TNPO3: variants seen among roughly 807,000 people sequenced by gnomAD.
TNPO3 encodes transportin-3.
Under a neutral mutation model 122.8 loss-of-function variants are expected in TNPO3, and 65 were observed. The observed-to-expected ratio is 0.53, with a 90% confidence interval of 0.43 to 0.65. TNPO3 has a LOEUF of 0.65. Ranked by LOEUF, TNPO3 falls within the 30% of genes least tolerant of loss-of-function variation. TNPO3 has a pLI of 0.00. For synonymous variants in TNPO3, 372 were observed against 411.2 expected, an observed-to-expected ratio of 0.90 and a Z score of 1.15; for missense variants, 850 against 1,136.7, an observed-to-expected ratio of 0.75 and a Z score of 3.63.
At chr7:128,966,854 C>A (rs2128987879) in intron 21 of TNPO3, among the ~76,000 whole-genome samples, 1 of 152,338 alleles carries the variant, frequency 6.6e-6, no homozygotes, top group South Asian at 2.1e-4. Flanking sequence ...TATCTTTAGG[C>A]ATGGTGAACA....
intron 1 of TNPO3, among the ~76,000 whole-genome samples, chr7:129,050,837 C>T (rs1356525940): frequency 6.6e-6 from 1 of 152,130 alleles, no homozygotes; most frequent in Non-Finnish European, 1.5e-5. Flanking sequence ...GATGAAGGTT[C>T]CCTTCTCGAT....
intron 8 of TNPO3, among the ~76,000 whole-genome samples, chr7:128,995,969 G>A (rs552233828): frequency 3.3e-5 from 5 of 152,322 alleles, no homozygotes; most frequent in African/African-American, 1.2e-4. Flanking sequence ...AAAGTGCTGG[G>A]ATTACAGGCA....
chr7:129,044,703 C>T (rs1466066573), intron 1 of TNPO3, among the ~76,000 whole-genome samples: 3 of 152,162 alleles, frequency 2.0e-5, no homozygotes, highest in Non-Finnish European at 4.4e-5. Context: ...AAATACAGGA[C>T]AGGTAGTCTG....
chr7:129,005,437 C>T (rs1365852057), intron 4 of TNPO3, among the ~76,000 whole-genome samples: 2 of 152,116 alleles, frequency 1.3e-5, no homozygotes, highest in East Asian at 1.9e-4. Flanking sequence ...GAAATGGTTT[C>T]GTTCTGTGTC....
chr7:129,029,858 T>TA (rs543309144), intron 1 of TNPO3: 13,520 of 146,140 alleles, frequency 0.093, 815 homozygotes, highest in South Asian at 0.16. Flanking sequence ...CCATCTCTAC[T>TA]AAAAAAAAAA....
intron 11 of TNPO3, 67 bp from the exon 12 acceptor site, chr7:128,986,987 C>T: frequency 6.8e-7 from 1 of 1,471,790 alleles, no homozygotes; most frequent in Non-Finnish European, 9.1e-7. Context: ...TTTATTAAAA[C>T]AGAGGTATAC....
chr7:129,014,594 A>G (rs935132584), intron 4 of TNPO3, among the ~76,000 whole-genome samples: 7 of 152,114 alleles, frequency 4.6e-5, no homozygotes, highest in African/African-American at 1.7e-4. Flanking sequence ...AAAAGAAAGG[A>G]TCCTTTCTTA....
At position 128,972,528 on chromosome 7, in the gene TNPO3, G is replaced by A. The variant is rs1009083030; in HGVS notation, c.2328C>T (p.Ile776=). Residue 776 remains isoleucine, a synonymous_variant, in exon 19 of 23, where the codon ATC becomes ATT. Coordinates refer to ENST00000265388, the MANE Select transcript of TNPO3 (RefSeq NM_012470.4). The part of the protein sequence containing the change: ...TLLRSQVVIP[I]LQWAIASTTL... ...TAGTAGAGGCAATGGCCCACTGTAA[G>A]ATAGGGATGACCACTTGGCTCCGCA... 1 of 1,614,064 alleles carries A rather than the reference G, an allele frequency of 6.2e-7. No individual in the cohort carries two copies. Among genetic ancestry groups the A allele is most frequent in the Non-Finnish European group, 8.5e-7 (1 of 1,180,044 alleles).
intron 1 of TNPO3, chr7:129,030,595 G>C (rs1037737502): frequency 6.6e-6 from 1 of 152,012 alleles, no homozygotes; most frequent in African/African-American, 2.4e-5. Context: ...GTAAGAGTTG[G>C]GTTCGCATGG....
intron 20 of TNPO3, among the ~76,000 whole-genome samples, chr7:128,969,553 C>T (rs1256582951): frequency 1.3e-4 from 20 of 152,152 alleles, no homozygotes; most frequent in Admixed American, 1.2e-3. Flanking sequence ...AACTTTCACA[C>T]AGTACACATA....
In TNPO3 at chr7:128,967,339, G is replaced by T. The variant is rs149434536; in HGVS notation, c.2652C>A (p.Thr884=). 6 of 1,613,830 alleles carry T rather than the reference G, an allele frequency of 3.7e-6. No individual in the cohort carries two copies. In the South Asian group the frequency reaches 6.6e-5, roughly 18 times the overall value. The change falls in exon 21 of 23, where the codon ACC becomes ACA. Residue 884 remains threonine (T), a synonymous_variant. Coordinates refer to ENST00000265388, the MANE Select transcript of TNPO3 (RefSeq NM_012470.4). ...TGTGTGTCACTGTGACGGCTCCCAC[G>T]GTTGTTTCCTTTGGCAAACCTTTTA... The part of the protein sequence containing the change: ...NSLKGLPKET[T]VGAVTVTHKQ...
intron 1 of TNPO3, among the ~76,000 whole-genome samples, chr7:129,040,410 TG>T (rs1807230821): frequency 6.6e-6 from 1 of 152,232 alleles, no homozygotes; most frequent in East Asian, 1.9e-4. Flanking sequence ...AACAAATCTG[TG>T]GTGATGTAAG....
At position 128,974,880 on chromosome 7, in the gene TNPO3, C is replaced by T. The variant is rs777132327; in HGVS notation, c.2261G>A (p.Arg754Gln). The T allele has an allele frequency of 4.3e-6, 7 of 1,613,858 alleles. No homozygotes were observed. Among genetic ancestry groups the T allele is most frequent in the East Asian group, 2.2e-5 (1 of 44,884 alleles). Residue 754 changes from arginine (R) to glutamine (Q), a missense_variant, in exon 18 of 23, where the codon CGG becomes CAG. Arg to Gln is a conservative substitution (Grantham distance 43, BLOSUM62 1). Coordinates refer to ENST00000265388, the MANE Select transcript of TNPO3 (RefSeq NM_012470.4). The stretch of plus-strand genomic sequence containing the variant: ...CAGAAGGATTTACCTGGTGGCTAGC[C>T]GGAACAGGTCATCTACAGTGTCAGG... ...NHPDTVDDLF[R>Q]LATRFIQRSP...
intron 5 of TNPO3, among the ~76,000 whole-genome samples, chr7:129,003,990 A>C (rs1011526071): frequency 7.2e-5 from 11 of 152,166 alleles, no homozygotes; most frequent in African/African-American, 2.7e-4. Context: ...TACTCTTCAC[A>C]CTATTTGTTG....
In TNPO3 at chr7:128,997,470, TTCA is replaced by T. The variant is rs757314819; in HGVS notation, c.1074_1076del (p.Asp358del). ...AAGCTTTGAAGATGCCATGAATAAC[TTCA>T]TCGTTAGTTTTGTACAAATGTTCCC... On this transcript the variant is annotated inframe_deletion, in exon 8 of 23. Transcript: ENST00000265388. The T allele has an allele frequency of 1.5e-5, 25 of 1,614,178 alleles. No individual in the cohort carries two copies. The highest frequency in any genetic ancestry group is 2.0e-5 in the Non-Finnish European group (24 of 1,179,992).
intron 1 of TNPO3, chr7:129,041,614 G>A (rs1157219252): frequency 1.0e-6 from 1 of 985,364 alleles, no homozygotes; most frequent in Non-Finnish European, 1.2e-6. Flanking sequence ...ATCCAGGCTT[G>A]GACTAAGCTC....
At chr7:129,039,700 A>C (rs79756405) in intron 1 of TNPO3, among the ~76,000 whole-genome samples, 2,109 of 152,362 alleles carry the variant, frequency 0.014, 40 homozygotes, top group East Asian at 0.064. Context: ...TGAATGGATA[A>C]GATGTGGTAT....
chr7:129,016,954 C>T lies in TNPO3; in HGVS notation c.395+29G>A, dbSNP rs138284925. 2,149 of 1,605,854 alleles carry T rather than the reference C, an allele frequency of 1.3e-3. 29 individuals are homozygous for T. The African/African-American group carries it at 0.026, about 19-fold the overall frequency. On this transcript the variant is annotated intron_variant, in intron 3 of 22. Coordinates refer to ENST00000265388, the MANE Select transcript of TNPO3 (RefSeq NM_012470.4). ...TGTAGGTTAATGGCAATTCCAAATG[C>T]TAATATAGAGTCAATACAAATTACT...
chr7:128,966,989 T>C (rs896676770), intron 21 of TNPO3, among the ~76,000 whole-genome samples: 13 of 152,222 alleles, frequency 8.5e-5, no homozygotes, highest in Admixed American at 7.2e-4. Flanking sequence ...TAGAAAAATA[T>C]AGACAGATCT....
Sources: allele counts gnomAD v4.1 joint callset (sites outside exome capture counted in the v4.1 genomes callset), GRCh38; gene constraint gnomAD v4.1.1; transcripts MANE v1.5; gene names NCBI Gene and HGNC (gene_info 2026-07-23, HGNC 2026-07-21).